SPIRE1: variants seen among roughly 807,000 people sequenced by gnomAD.
SPIRE1 encodes spire type actin nucleation factor 1.
In SPIRE1, 40 loss-of-function variants were observed where a neutral mutation model predicts 94.1. That is an observed-to-expected ratio of 0.43 (90% CI 0.33 to 0.55). SPIRE1 has a LOEUF of 0.55. Among genes scored for constraint, SPIRE1 ranks in the 20% least tolerant of loss-of-function variants. The probability of loss-of-function intolerance (pLI) is 0.06; values close to 1 mark genes in which losing one functional copy is unlikely to be tolerated. For synonymous variants in SPIRE1, 376 were observed against 371.7 expected (o/e 1.01, Z -0.13); for missense variants, 838 against 975.2 (o/e 0.86, Z 1.87).
At chr18:12,640,326 T>A (rs1006387216) in intron 1 of SPIRE1, among the ~76,000 whole-genome samples, 1 of 152,190 alleles carries the variant, frequency 6.6e-6, no homozygotes, top group Non-Finnish European at 1.5e-5. Flanking sequence ...TAGACAATGT[T>A]TCAGTCCCTC....
At chr18:12,593,606 T>C (rs2036590778) in intron 2 of SPIRE1, among the ~76,000 whole-genome samples, 1 of 152,204 alleles carries the variant, frequency 6.6e-6, no homozygotes, top group Admixed American at 6.5e-5. Flanking sequence ...AAACAAGACA[T>C]AGGTCCTCTC....
At chr18:12,564,768 TA>T (rs550548991) in intron 2 of SPIRE1, among the ~76,000 whole-genome samples, 7 of 151,596 alleles carry the variant, frequency 4.6e-5, no homozygotes, top group Non-Finnish European at 8.8e-5. Flanking sequence ...TCCTGAGAAT[TA>T]AAAAAAACTC....
chr18:12,596,396 C>T (rs2036673058), intron 2 of SPIRE1, among the ~76,000 whole-genome samples: 1 of 152,160 alleles, frequency 6.6e-6, no homozygotes, highest in Non-Finnish European at 1.5e-5. Context: ...CATTCTAGTT[C>T]CAATTTTCTT....
intron 4 of SPIRE1, among the ~76,000 whole-genome samples, chr18:12,534,743 G>A (rs925201766): frequency 9.9e-5 from 15 of 152,196 alleles, no homozygotes; most frequent in African/African-American, 3.4e-4. Context: ...AATGACATGA[G>A]CCAATTCCCC....
chr18:12,526,899 G>A (rs1394546274), intron 4 of SPIRE1, among the ~76,000 whole-genome samples: 2 of 151,896 alleles, frequency 1.3e-5, no homozygotes, highest in Non-Finnish European at 2.9e-5. Context: ...TAGTAGAGAT[G>A]GGGTTTCACC....
intron 12 of SPIRE1, among the ~76,000 whole-genome samples, chr18:12,456,161 TA>T (rs1321679240): frequency 6.6e-6 from 1 of 152,194 alleles, no homozygotes; most frequent in African/African-American, 2.4e-5. Context: ...CTAAAATGCC[TA>T]AAATACGCAT....
intron 1 of SPIRE1, among the ~76,000 whole-genome samples, chr18:12,653,959 G>A (rs866817668): frequency 6.9e-6 from 1 of 145,528 alleles, no homozygotes; most frequent in African/African-American, 2.7e-5. Flanking sequence ...AAAAAAAAAA[G>A]AAAGAAAGAA....
At chr18:12,497,022 C>G (rs1444380397) in intron 6 of SPIRE1, among the ~76,000 whole-genome samples, 1 of 152,084 alleles carries the variant, frequency 6.6e-6, no homozygotes, top group Non-Finnish European at 1.5e-5. Context: ...GAGCCGAGAT[C>G]ACGCTACTGC....
At chr18:12,575,760 A>G (rs1325675532) in intron 2 of SPIRE1, among the ~76,000 whole-genome samples, 1 of 152,274 alleles carries the variant, frequency 6.6e-6, no homozygotes, top group Non-Finnish European at 1.5e-5. Context: ...TGCTGAAAGT[A>G]AAGGTCTAAG....
At chr18:12,622,284 T>C (rs373035348) in intron 2 of SPIRE1, among the ~76,000 whole-genome samples, 10 of 152,208 alleles carry the variant, frequency 6.6e-5, no homozygotes, top group African/African-American at 2.4e-4. Context: ...CACATCTGTG[T>C]AGCGTGGGAA....
At chr18:12,482,022 A>G (rs1256780157) in intron 9 of SPIRE1, among the ~76,000 whole-genome samples, 2 of 152,184 alleles carry the variant, frequency 1.3e-5, no homozygotes, top group African/African-American at 2.4e-5. Context: ...AGTTATCATA[A>G]TAAGAGAAAC....
At chr18:12,568,157 T>C (rs901763042) in intron 2 of SPIRE1, among the ~76,000 whole-genome samples, 5 of 152,140 alleles carry the variant, frequency 3.3e-5, no homozygotes, top group African/African-American at 1.2e-4. Context: ...GATGCTGGGG[T>C]TCCCCTTACT....
At chr18:12,450,219 C>G (rs1372685634) in intron 16 of SPIRE1, among the ~76,000 whole-genome samples, 1 of 150,394 alleles carries the variant, frequency 6.6e-6, no homozygotes, top group African/African-American at 2.4e-5. Context: ...AATAGCCAGG[C>G]ATGGTGGTGG....
intron 2 of SPIRE1, among the ~76,000 whole-genome samples, chr18:12,587,324 A>G (rs1360396411): frequency 2.0e-5 from 3 of 152,178 alleles, no homozygotes; most frequent in African/African-American, 7.2e-5. Context: ...CATAGTTTTG[A>G]GACTCTAGGA....
chr18:12,630,562 G>A (rs1053641474), intron 2 of SPIRE1, among the ~76,000 whole-genome samples: 1 of 152,244 alleles, frequency 6.6e-6, no homozygotes, highest in Non-Finnish European at 1.5e-5. Flanking sequence ...AGGAGGCTGA[G>A]GCAGGAGAAT....
At chr18:12,600,621 T>C (rs1340451547) in intron 2 of SPIRE1, among the ~76,000 whole-genome samples, 5 of 152,226 alleles carry the variant, frequency 3.3e-5, no homozygotes, top group Non-Finnish European at 7.3e-5. Context: ...GTTGGCACTG[T>C]AAGGAAGAAC....
At chr18:12,652,784 T>A (rs891840635) in intron 1 of SPIRE1, among the ~76,000 whole-genome samples, 5 of 152,234 alleles carry the variant, frequency 3.3e-5, no homozygotes, top group Admixed American at 6.5e-5. Context: ...TCAAACTGAA[T>A]CTAACCATTC....
chr18:12,535,323 C>T lies in SPIRE1; in HGVS notation c.729+153G>A, dbSNP rs544087833. ...TTAATTTTACCTAAGTTGCTTCTTTCCTAAATGACTTTCAGCACTCATCTA... is the reference window on the plus strand; with the variant it reads ...TTAATTTTACCTAAGTTGCTTCTTTTCTAAATGACTTTCAGCACTCATCTA... On this transcript the variant is annotated intron_variant, in intron 4 of 16. Transcript: ENST00000409402. Among the ~76,000 whole-genome samples the T allele has an allele frequency of 1.2e-3, 183 of 152,320 alleles. 2 individuals carry two copies. Among genetic ancestry groups the T allele is most frequent in the Non-Finnish European group, 2.0e-3 (135 of 68,036 alleles).
chr18:12,594,294 T>C (rs1252489992), intron 2 of SPIRE1, among the ~76,000 whole-genome samples: 1 of 152,170 alleles, frequency 6.6e-6, no homozygotes, highest in Non-Finnish European at 1.5e-5. Context: ...TCAAACCAAC[T>C]ATGTTATTAA....
Sources: gnomAD v4.1 joint callset for allele counts (sites outside exome capture counted in the v4.1 genomes callset) on GRCh38, gnomAD v4.1.1 for gene constraint, MANE v1.5 for transcripts, NCBI Gene and HGNC (gene_info 2026-07-23, HGNC 2026-07-21) for gene names.